BROX: variants seen among roughly 807,000 people sequenced by gnomAD.
BROX encodes BRO1 domain-containing protein BROX.
In BROX, 53 loss-of-function variants were observed where a neutral mutation model predicts 61.0. The observed-to-expected ratio is 0.87, with a 90% confidence interval of 0.70 to 1.09. The LOEUF (loss-of-function observed/expected upper bound fraction) is 1.09, where lower values mean the gene tolerates loss of function less well. Among genes scored for constraint, BROX ranks in the 50% least tolerant of loss-of-function variants. BROX has a pLI of 0.00. For missense variants in BROX, 489 were observed against 472.0 expected (o/e 1.04, Z -0.33); for synonymous variants, 152 against 160.2 (o/e 0.95, Z 0.38).
rs956655908 is a variant in BROX at position 222,715,575 on chromosome 1, T to C, written c.-16-109T>C. On this transcript the variant is annotated intron_variant, in intron 1 of 12. Transcript: ENST00000340934. ...AAATAACAAAATTTAGCCAGGCTAATTTTCGAATTAAATTTTTATACTATT... is the reference window on the plus strand; with the variant it reads ...AAATAACAAAATTTAGCCAGGCTAACTTTCGAATTAAATTTTTATACTATT... 5 of 469,276 alleles carry C rather than the reference T, an allele frequency of 1.1e-5. No homozygotes were observed. The Admixed American group carries it at 1.8e-4, about 17-fold the overall frequency. 29.1% of individuals were successfully genotyped at this position (469,276 alleles called of 1,614,324 possible).
intron 1 of BROX, among the ~76,000 whole-genome samples, chr1:222,714,799 C>G (rs916482826): frequency 3.9e-5 from 6 of 151,904 alleles, no homozygotes; most frequent in African/African-American, 7.3e-5. Context: ...AAGCTAGTCT[C>G]AAATTCCTGA....
chr1:222,720,500 A>G (rs1191708314), intron 4 of BROX, among the ~76,000 whole-genome samples: 1 of 152,156 alleles, frequency 6.6e-6, no homozygotes, highest in Admixed American at 6.5e-5. Context: ...CGACCATGCA[A>G]CATTTTGATT....
intron 11 of BROX, among the ~76,000 whole-genome samples, chr1:222,731,029 T>TA (rs1657895862): frequency 6.6e-6 from 1 of 152,198 alleles, no homozygotes; most frequent in Admixed American, 6.5e-5. Flanking sequence ...TTCTTCCCCT[T>TA]ATATTCTTCA....
rs1657839770 is a variant in BROX at position 222,730,268 on chromosome 1, T to C, written c.989+91T>C. ...AATATTTTAGTAATATCATTTCTGT[T>C]AGTCTCTATTCCCAAAAGTTTTATG... On this transcript the variant is annotated intron_variant, in intron 11 of 12. Transcript: ENST00000340934. 4.2e-6 allele frequency: 4 copies of C among 957,430 alleles called. No individual in the cohort carries two copies. In the South Asian group the frequency reaches 8.8e-5, roughly 21 times the overall value. 59.3% of individuals were successfully genotyped at this position (957,430 alleles called of 1,614,324 possible). A position where few individuals can be genotyped will look rare whatever the true frequency, so the allele number is the denominator to read the frequency against.
At chr1:222,717,672 CTTGGAA>C (rs1167195258) in intron 2 of BROX, among the ~76,000 whole-genome samples, 2 of 152,188 alleles carry the variant, frequency 1.3e-5, no homozygotes, top group Non-Finnish European at 2.9e-5. Context: ...TACATACTTT[CTTGGAA>C]TAAGCCTCCT....
At chr1:222,723,434 C>G (rs572461915) in intron 5 of BROX, among the ~76,000 whole-genome samples, 1 of 152,222 alleles carries the variant, frequency 6.6e-6, no homozygotes, top group Admixed American at 6.5e-5. Context: ...ATCCACCATG[C>G]CTGGCTGCAG....
At chr1:222,726,079 A>T (rs1657477215) in intron 7 of BROX, among the ~76,000 whole-genome samples, 1 of 152,204 alleles carries the variant, frequency 6.6e-6, no homozygotes, top group Non-Finnish European at 1.5e-5. Context: ...TTTTTATTTC[A>T]TGTTATTTCT....
chr1:222,713,406 G>A, intron 1 of BROX: 1 of 985,624 alleles, frequency 1.0e-6, no homozygotes, highest in Non-Finnish European at 1.2e-6. Flanking sequence ...GAGCTCGGGG[G>A]CGGCGCTCAG....
rs769909910 is a variant in BROX, at chr1:222,728,769, G to A, written c.697G>A (p.Ala233Thr). The change falls in exon 9 of 13, where the codon GCA becomes ACA. Residue 233 changes from alanine to threonine, a missense_variant. Physicochemically the swap from Ala to Thr is moderately conservative, Grantham distance 58 (BLOSUM62 0). Coordinates refer to ENST00000340934, the MANE Select transcript of BROX (RefSeq NM_144695.4). ...TCATACTTTATCCAGTTTGGAGCCT[G>A]CATATTCTGCCAAATGGAGAAAATA... ...ADHTLSSLEP[A>T]YSAKWRKYLH... 3 of 1,602,330 alleles carry A rather than the reference G, an allele frequency of 1.9e-6. No individual in the cohort carries two copies. Among genetic ancestry groups the A allele is most frequent in the African/African-American group, 2.7e-5 (2 of 74,824 alleles).
At chr1:222,720,671 C>T (rs555074521) in intron 4 of BROX, among the ~76,000 whole-genome samples, 7 of 151,710 alleles carry the variant, frequency 4.6e-5, no homozygotes, top group Non-Finnish European at 1.0e-4. Flanking sequence ...AAATTAGCTA[C>T]GTGTGGTGGA....
Position 222,725,429 on chromosome 1 carries a change from CT to C in BROX, c.475-15del. On this transcript the variant is annotated intron_variant, in intron 6 of 12. Transcript: ENST00000340934. Reference sequence around the variant, plus strand: ...AAAATTTGGCTGCTTTGTTTTTTGTCTTTTTTGTTGTTGTTCTCAGGAAAGT... The same window carrying C: ...AAAATTTGGCTGCTTTGTTTTTTGTCTTTTTGTTGTTGTTCTCAGGAAAGT... 2.0e-6 allele frequency: 3 copies of C among 1,537,970 alleles called. No homozygotes were observed. The highest frequency in any genetic ancestry group is 1.2e-5 in the South Asian group (1 of 83,538).
At chr1:222,715,593 A>G in intron 1 of BROX, 91 bp from the exon 2 acceptor site, 1 of 528,964 alleles carries the variant, frequency 1.9e-6, no homozygotes, top group Non-Finnish European at 3.0e-6. Flanking sequence ...TTAAATTTTT[A>G]TACTATTGAA....
chr1:222,729,770 A>G lies in BROX; in HGVS notation c.838+69A>G, dbSNP rs117217784. On this transcript the variant is annotated intron_variant, in intron 10 of 12. Coordinates refer to ENST00000340934, the MANE Select transcript of BROX (RefSeq NM_144695.4). ...ATGACTTTATCATAAAAGGGAATAT[A>G]TGCTTAAAGAGATTTTGGCTGAGTT... The G allele has an allele frequency of 1.5e-3, 2,096 of 1,435,050 alleles. 40 individuals are homozygous for G. In the South Asian group the frequency reaches 0.017, roughly 11 times the overall value. 88.9% of individuals were successfully genotyped at this position (1,435,050 alleles called of 1,614,324 possible). A position where few individuals can be genotyped will look rare whatever the true frequency, so the allele number is the denominator to read the frequency against.
intron 6 of BROX, 129 bp downstream of exon 6, chr1:222,724,293 CTTATG>C (rs1422603811): frequency 8.1e-6 from 6 of 742,832 alleles, no homozygotes; most frequent in Non-Finnish European, 1.1e-5. Context: ...TTCTGTTTTC[CTTATG>C]TTAAGTATGT....
intron 4 of BROX, among the ~76,000 whole-genome samples, chr1:222,720,361 T>G (rs553095474): frequency 6.6e-6 from 1 of 152,302 alleles, no homozygotes. Context: ...TTTTTTAATG[T>G]GACCCATTTG....
chr1:222,731,623 A>C (rs534875984), intron 12 of BROX, 107 bp downstream of exon 12: 2 of 1,226,212 alleles, frequency 1.6e-6, no homozygotes, highest in African/African-American at 3.1e-5. Flanking sequence ...CTTTGTCTAA[A>C]TGTTAAGTTA....
chr1:222,728,932 T>C (rs1300633843), intron 9 of BROX, 104 bp downstream of exon 9: 12 of 728,088 alleles, frequency 1.6e-5, no homozygotes, highest in Non-Finnish European at 2.6e-5. Context: ...ATTTTACAAA[T>C]AATGGACAGC....
intron 7 of BROX, among the ~76,000 whole-genome samples, chr1:222,726,052 G>A (rs1269815899): frequency 1.3e-5 from 2 of 152,172 alleles, no homozygotes; most frequent in Non-Finnish European, 2.9e-5. Flanking sequence ...ACAGTTTAAT[G>A]GCTCTTTTTA....
At chr1:222,714,704 C>T (rs1183055625) in intron 1 of BROX, among the ~76,000 whole-genome samples, 1 of 151,986 alleles carries the variant, frequency 6.6e-6, no homozygotes, top group African/African-American at 2.4e-5. Context: ...ATCCTCCCTC[C>T]TCAGTCTTCC....
Sources: gnomAD v4.1 joint callset for allele counts (sites outside exome capture counted in the v4.1 genomes callset) on GRCh38, gnomAD v4.1.1 for gene constraint, MANE v1.5 for transcripts, NCBI Gene and HGNC (gene_info 2026-07-23, HGNC 2026-07-21) for gene names.